Variants in SPAG17 observed in about 807,000 individuals in gnomAD.
SPAG17 encodes sperm-associated antigen 17.
In SPAG17, 169 loss-of-function variants were observed where a neutral mutation model predicts 273.6. That is an observed-to-expected ratio of 0.62 (90% CI 0.55 to 0.70). SPAG17 has a LOEUF of 0.70. Among genes scored for constraint, SPAG17 ranks in the 30% least tolerant of loss-of-function variants. SPAG17 has a pLI of 0.00. For missense variants in SPAG17, 2,557 were observed against 2,627.8 expected, an observed-to-expected ratio of 0.97 and a Z score of 0.59; for synonymous variants, 825 against 873.2, an observed-to-expected ratio of 0.94 and a Z score of 0.97.
chr1:118,110,499 C>G (rs978549085), intron 4 of SPAG17, among the ~76,000 whole-genome samples: 1 of 152,140 alleles, frequency 6.6e-6, no homozygotes, highest in Admixed American at 6.5e-5. Context: ...TCCTACCTTA[C>G]CATGCAGAAG....
In SPAG17 at chr1:118,097,857, A is replaced by G; in HGVS notation, c.830-6T>C. ...CAATTTTTCTGCTTCTAGATCTAAT[A>G]ATAGCAACATGTTTATATTACCAAA... On this transcript the variant is annotated splice_polypyrimidine_tract_variant and splice_region_variant and intron_variant, in intron 6 of 48. Coordinates refer to ENST00000336338, the MANE Select transcript of SPAG17 (RefSeq NM_206996.4). The G allele has an allele frequency of 6.4e-7, 1 of 1,558,832 alleles. No individual in the cohort carries two copies. The highest frequency in any genetic ancestry group is 8.7e-7 in the Non-Finnish European group (1 of 1,154,246).
intron 4 of SPAG17, among the ~76,000 whole-genome samples, chr1:118,105,653 T>C (rs1262626960): frequency 6.6e-6 from 1 of 151,948 alleles, no homozygotes; most frequent in African/African-American, 2.4e-5. Context: ...TGTAGGAGGA[T>C]ATTGGATTAT....
Position 118,175,538 on chromosome 1 carries a change from T to C in SPAG17, c.87+9533A>G, listed in dbSNP as rs1182086746. 9.7e-5 allele frequency among the ~76,000 whole-genome samples: 13 copies of C among 134,132 alleles called. No homozygotes were observed. The East Asian group carries it at 2.8e-3, about 29-fold the overall frequency. The allele number at this position is 134,132 out of a possible 152,430, so 88.0% of individuals were successfully genotyped here. ...AACAAACTTCTCAATGGGAACTATA[T>C]AGGCCAGGAGGGATTCGGGTGACAT... On this transcript the variant is annotated intron_variant, in intron 1 of 48. Coordinates refer to ENST00000336338, the MANE Select transcript of SPAG17 (RefSeq NM_206996.4).
At chr1:118,012,958 G>A (rs183506409) in intron 29 of SPAG17, among the ~76,000 whole-genome samples, 3 of 152,274 alleles carry the variant, frequency 2.0e-5, no homozygotes, top group East Asian at 1.9e-4. Context: ...TATGAGAAGC[G>A]GTGTGCGTGG....
chr1:117,986,456 T>A (rs1395562548), intron 40 of SPAG17, among the ~76,000 whole-genome samples: 2 of 152,234 alleles, frequency 1.3e-5, no homozygotes, highest in Non-Finnish European at 2.9e-5. Flanking sequence ...ACACTTGTAT[T>A]TCTGTGACAC....
intron 46 of SPAG17, among the ~76,000 whole-genome samples, chr1:117,968,787 T>C (rs1486208592): frequency 6.6e-6 from 1 of 152,236 alleles, no homozygotes; most frequent in Non-Finnish European, 1.5e-5. Context: ...TTAACAGGAC[T>C]GGATACTTTT....
At chr1:118,146,406 G>C (rs1475286108) in intron 3 of SPAG17, among the ~76,000 whole-genome samples, 1 of 152,192 alleles carries the variant, frequency 6.6e-6, no homozygotes, top group African/African-American at 2.4e-5. Context: ...TTGTGCATAG[G>C]TAGCAAGTAT....
intron 11 of SPAG17, 33 bp from the exon 12 acceptor site, chr1:118,086,817 G>A (rs745382751): frequency 1.3e-5 from 21 of 1,613,902 alleles, no homozygotes; most frequent in Non-Finnish European, 1.6e-5. Context: ...GATTTAAAGA[G>A]AGGATCTATA....
intron 1 of SPAG17, among the ~76,000 whole-genome samples, chr1:118,159,126 A>C (rs889644417): frequency 6.6e-6 from 1 of 152,258 alleles, no homozygotes; most frequent in Non-Finnish European, 1.5e-5. Context: ...GGAAGGAGTC[A>C]TGCCTCTGAA....
Position 118,039,439 on chromosome 1 carries a change from T to C in SPAG17, c.3172A>G (p.Thr1058Ala), listed in dbSNP as rs757965580. The C allele has an allele frequency of 1.2e-6, 2 of 1,613,276 alleles. No homozygotes were observed. Among genetic ancestry groups the C allele is most frequent in the South Asian group, 1.1e-5 (1 of 91,026 alleles). Residue 1058 changes from threonine (T) to alanine (A), a missense_variant, in exon 23 of 49, where the codon ACT becomes GCT. Transcript: ENST00000336338. ...TTTACCACTCTCACTTTGATAAAAG[T>C]TGGGCCTGAGGAGGAACCATAGAAT... ...VEKTMFEKGP[T>A]FIKVRVVKDN...
chr1:118,015,634 C>T (rs1322289926), intron 29 of SPAG17, among the ~76,000 whole-genome samples: 2 of 152,098 alleles, frequency 1.3e-5, no homozygotes, highest in Non-Finnish European at 2.9e-5. Flanking sequence ...AGGAAGCACA[C>T]GACGACATCA....
intron 25 of SPAG17, among the ~76,000 whole-genome samples, chr1:118,029,284 T>A (rs1047849225): frequency 2.0e-5 from 3 of 152,154 alleles, no homozygotes; most frequent in African/African-American, 7.2e-5. Context: ...TTACCAGACA[T>A]AAAATCTGCT....
In SPAG17 at chr1:118,170,603, CAT is replaced by C; in HGVS notation, c.87+14466_87+14467del. Among the ~76,000 whole-genome samples the C allele has an allele frequency of 3.9e-5, 6 of 152,242 alleles. 2 individuals are homozygous for C. The highest frequency in any genetic ancestry group is 3.9e-4 in the Admixed American group (6 of 15,286). ...GGAAATATTTATGAAATGAAATAAA[CAT>C]CATTTAATATTCACAGCAAGCTTTT... is the stretch of plus-strand genomic sequence containing the variant. On this transcript the variant is annotated intron_variant, in intron 1 of 48. Coordinates refer to ENST00000336338, the MANE Select transcript of SPAG17 (RefSeq NM_206996.4).
chr1:118,178,214 A>G (rs1173957385), intron 1 of SPAG17, among the ~76,000 whole-genome samples: 2 of 152,122 alleles, frequency 1.3e-5, no homozygotes, highest in African/African-American at 2.4e-5. Context: ...TAGCAAACCA[A>G]ATTCAACAAC....
chr1:118,013,449 G>A lies in SPAG17; in HGVS notation c.4288-1077C>T, dbSNP rs1659670048. Among the ~76,000 whole-genome samples the A allele has an allele frequency of 1.3e-5, 2 of 152,140 alleles. 1 individual carries two copies. Among genetic ancestry groups the A allele is most frequent in the Admixed American group, 1.3e-4 (2 of 15,270 alleles). ...AATGTATACTAAGAAATACTGCTGT[G>A]TAATGTGGTGGTTGAGAGCATGAGC... is the stretch of plus-strand genomic sequence containing the variant. On this transcript the variant is annotated intron_variant, in intron 29 of 48. Transcript: ENST00000336338.
In SPAG17 at chr1:118,079,881, G is replaced by C. The variant is rs116792240; in HGVS notation, c.2209+1220C>G. 6.6e-3 allele frequency among the ~76,000 whole-genome samples: 1,010 copies of C among 151,958 alleles called. 11 individuals are homozygous for C. Among genetic ancestry groups the C allele is most frequent in the African/African-American group, 0.023 (958 of 41,514 alleles). ...TGACCTAGGTGTTAAATTTGGTGTT[G>C]TTTAATATGTTAAATTTGGTGTTGT... On this transcript the variant is annotated intron_variant, in intron 15 of 48. Coordinates refer to ENST00000336338, the MANE Select transcript of SPAG17 (RefSeq NM_206996.4).
rs1234757458 is a variant in SPAG17, at chr1:118,022,331, C to A, written c.4069+973G>T. ...TTTTTTCCTGTTACACAAATATACA[C>A]CTCCTATATAAAAATATATCTTACA... On this transcript the variant is annotated intron_variant, in intron 28 of 48. Transcript: ENST00000336338. Among the ~76,000 whole-genome samples, 3 of 152,016 alleles carry A rather than the reference C, an allele frequency of 2.0e-5. No homozygotes were observed. In the East Asian group the frequency reaches 5.8e-4, roughly 29 times the overall value.
At chr1:118,014,934 C>T (rs77318385) in intron 29 of SPAG17, among the ~76,000 whole-genome samples, 2,960 of 152,250 alleles carry the variant, frequency 0.019, 100 homozygotes, top group African/African-American at 0.067. Context: ...CTGTGTAATA[C>T]ACATTTGGTG....
At chr1:118,087,199 C>A in intron 10 of SPAG17, 191 bp from the exon 11 acceptor site, 1 of 424,636 alleles carries the variant, frequency 2.4e-6, no homozygotes, top group Non-Finnish European at 4.1e-6. Flanking sequence ...GCAATCCATG[C>A]ATTAAGGTAG....
Sources: allele counts gnomAD v4.1 joint callset (sites outside exome capture counted in the v4.1 genomes callset), GRCh38; gene constraint gnomAD v4.1.1; transcripts MANE v1.5; gene names NCBI Gene and HGNC (gene_info 2026-07-23, HGNC 2026-07-21).